DNM1: variants seen among roughly 807,000 people sequenced by gnomAD.
The protein encoded by DNM1 is dynamin 1.
Under a neutral mutation model 104.6 loss-of-function variants are expected in DNM1, and 29 were observed. That is an observed-to-expected ratio of 0.28 (90% CI 0.21 to 0.38). The LOEUF (loss-of-function observed/expected upper bound fraction) is 0.38, where lower values mean the gene tolerates loss of function less well. DNM1 is among the 10% of genes least tolerant of loss of function. DNM1 has a pLI of 1.00. For synonymous variants in DNM1, 445 were observed against 475.8 expected, an observed-to-expected ratio of 0.94 and a Z score of 0.84; for missense variants, 640 against 1,189.4, an observed-to-expected ratio of 0.54 and a Z score of 6.79.
chr9:128,225,978 TCTC>T, intron 10 of DNM1: 3 of 1,575,664 alleles, frequency 1.9e-6, no homozygotes, highest in Non-Finnish European at 2.6e-6. Flanking sequence ...TTCACCCACT[TCTC>T]CTCCCCACCC....
In DNM1 at chr9:128,218,386, C is replaced by T. The variant is rs370124247; in HGVS notation, c.235+82C>T. ...CCCAAGCTGAGGGCCAGCCTGGCCA[C>T]GAACTTGCTTGCTGTGTGACTGTGG... On this transcript the variant is annotated intron_variant, in intron 2 of 21. Transcript: ENST00000372923. This position sits in a 1 kb window ranked among gnomAD's most constrained non-coding sequence, Gnocchi z 4.8. The T allele has an allele frequency of 1.3e-6, 2 of 1,533,042 alleles. No individual in the cohort carries two copies. Among genetic ancestry groups the T allele is most frequent in the East Asian group, 2.3e-5 (1 of 44,388 alleles). The allele number at this position is 1,533,042 out of a possible 1,614,324, so 95.0% of individuals were successfully genotyped here.
chr9:128,247,237 A>G lies in DNM1; in HGVS notation c.1782-138A>G. The stretch of plus-strand genomic sequence containing the variant: ...CAGTGAGGAAACTGAGGCTGAGAGG[A>G]AGGGACTTGCACAGGGTCACACAGC... On this transcript the variant is annotated intron_variant, in intron 16 of 21. Transcript: ENST00000372923. The surrounding 1 kb of genome is among the most constrained non-coding windows in gnomAD (Gnocchi z 5.1). The G allele has an allele frequency of 1.9e-6, 1 of 519,110 alleles. No homozygotes were observed. The highest frequency in any genetic ancestry group is 3.4e-6 in the Non-Finnish European group (1 of 291,986). The allele number at this position is 519,110 out of a possible 1,614,324, so 32.2% of individuals were successfully genotyped here.
chr9:128,234,647 T>C (rs1835900850), intron 11 of DNM1, among the ~76,000 whole-genome samples: 1 of 152,170 alleles, frequency 6.6e-6, no homozygotes, highest in Admixed American at 6.5e-5. Context: ...GTGCTGGGAT[T>C]ACAGGCGTGA....
At position 128,222,158 on chromosome 9, in the gene DNM1, A is replaced by G. The variant is rs557093654; in HGVS notation, c.850-39A>G. 1.3e-5 allele frequency: 21 copies of G among 1,581,260 alleles called. No homozygotes were observed. In the East Asian group the frequency reaches 4.3e-4, roughly 32 times the overall value. ...ATCCAAGTCCCTTCCTGGCCCTGTG[A>G]CCATCTGTCCTCAACCCTTTCCTCA... On this transcript the variant is annotated intron_variant, in intron 6 of 21. Transcript: ENST00000372923. The surrounding 1 kb of genome is among the most constrained non-coding windows in gnomAD (Gnocchi z 7.8).
At chr9:128,226,204 T>G (rs1396612626) in intron 10 of DNM1, 1 of 1,611,036 alleles carries the variant, frequency 6.2e-7, no homozygotes, top group Non-Finnish European at 8.5e-7. Context: ...GGGCTGGGCC[T>G]GGCCGTCCAT....
chr9:128,248,873 G>A lies in DNM1; in HGVS notation c.2076+120G>A, dbSNP rs945526539. ...GGACCAGGTCCAGGGAGGGAGGCACGGTCCAGACCAGAGCTGTCCAATAGA... is the reference window on the plus strand; with the variant it reads ...GGACCAGGTCCAGGGAGGGAGGCACAGTCCAGACCAGAGCTGTCCAATAGA... On this transcript the variant is annotated intron_variant, in intron 19 of 21. Coordinates refer to ENST00000372923, the MANE Select transcript of DNM1 (RefSeq NM_004408.4). This position sits in a 1 kb window ranked among gnomAD's most constrained non-coding sequence, Gnocchi z 5.6. The A allele has an allele frequency of 1.4e-4, 160 of 1,113,332 alleles. No individual in the cohort carries two copies. Among genetic ancestry groups the A allele is most frequent in the Non-Finnish European group, 2.0e-4 (153 of 758,712 alleles). The allele number at this position is 1,113,332 out of a possible 1,614,324, so 69.0% of individuals were successfully genotyped here.
In DNM1 at chr9:128,203,514, G is replaced by A. The variant is rs763288862; in HGVS notation, c.44G>A (p.Arg15Gln). Residue 15 changes from arginine (R) to glutamine (Q), a missense_variant, in exon 1 of 22, where the codon CGG becomes CAG. By Grantham distance (43) the Arg-to-Gln change is conservative. Around this residue, in one of 7 missense-constraint regions of DNM1, gnomAD observed 172 missense variants for 335.3 expected, o/e 0.51. Transcript: ENST00000372923. The surrounding 1 kb of genome is among the most constrained non-coding windows in gnomAD (Gnocchi z 5.3). ...GAAGATCTCATCCCGCTGGTCAACC[G>A]GCTGCAAGACGCCTTCTCTGCCATC... ...GMEDLIPLVN[R>Q]LQDAFSAIGQ... 3.4e-5 allele frequency: 52 copies of A among 1,540,062 alleles called. No individual in the cohort carries two copies. The Admixed American group carries it at 9.3e-4, about 28-fold the overall frequency.
intron 6 of DNM1, among the ~76,000 whole-genome samples, chr9:128,221,984 T>C (rs967476602): frequency 6.6e-6 from 1 of 152,220 alleles, no homozygotes; most frequent in African/African-American, 2.4e-5. Context: ...GATTTCTGGC[T>C]TTATTGAAAA....
chr9:128,253,856 C>CACCTTGGCTCACGCCACAA lies in DNM1; in HGVS notation c.2535-798_2535-797insACCTTGGCTCACGCCACAA. Reference sequence around the variant, plus strand: ...CAGCTGAAGCACCGTAGCCAGCCAGCGGGCTCACGCACCTTGGCCTGTTGC... The same window carrying CACCTTGGCTCACGCCACAA: ...CAGCTGAAGCACCGTAGCCAGCCAGCACCTTGGCTCACGCCACAAGGGCTCACGCACCTTGGCCTGTTGC... On this transcript the variant is annotated intron_variant, in intron 21 of 21. Transcript: ENST00000372923. This position sits in a 1 kb window ranked among gnomAD's most constrained non-coding sequence, Gnocchi z 5.9. 8.6e-7 allele frequency: 1 copy of CACCTTGGCTCACGCCACAA among 1,165,944 alleles called. No homozygotes were observed. The highest frequency in any genetic ancestry group is 1.1e-6 in the Non-Finnish European group (1 of 929,770). 72.2% of individuals were successfully genotyped at this position (1,165,944 alleles called of 1,614,324 possible).
chr9:128,251,039 C>T (rs1829485623), intron 21 of DNM1, 99 bp downstream of exon 21: 2 of 827,102 alleles, frequency 2.4e-6, no homozygotes, highest in East Asian at 2.8e-5. Flanking sequence ...GCCGCCAGAA[C>T]CGGCCGTTTC....
At chr9:128,234,241 A>ACT in intron 11 of DNM1, 134 bp downstream of exon 11, 5 of 697,154 alleles carry the variant, frequency 7.2e-6, no homozygotes, top group Non-Finnish European at 1.2e-5. Flanking sequence ...TCTCATACTG[A>ACT]CTCTCTGCTT....
At chr9:128,219,949 G>A (rs1304192526) in intron 4 of DNM1, 39 bp from the exon 5 acceptor site, 7 of 1,485,502 alleles carry the variant, frequency 4.7e-6, no homozygotes, top group Non-Finnish European at 6.4e-6. Flanking sequence ...GTGTGAGAGC[G>A]GGTGCAGCTG....
In DNM1 at chr9:128,253,328, G is replaced by A. The variant is rs1829647391; in HGVS notation, c.2535-1326G>A. 1 of 613,632 alleles carries A rather than the reference G, an allele frequency of 1.6e-6. No homozygotes were observed. Among genetic ancestry groups the A allele is most frequent in the African/African-American group, 1.8e-5 (1 of 54,236 alleles). The allele number at this position is 613,632 out of a possible 1,614,324, so 38.0% of individuals were successfully genotyped here. A position where few individuals can be genotyped will look rare whatever the true frequency, so the allele number is the denominator to read the frequency against. On this transcript the variant is annotated intron_variant, in intron 21 of 21. Coordinates refer to ENST00000372923, the MANE Select transcript of DNM1 (RefSeq NM_004408.4). This position sits in a 1 kb window ranked among gnomAD's most constrained non-coding sequence, Gnocchi z 5.9. ...TCACCTCCCTTCCCTGCGAGCCTCGGGACTCAGTGCCACTGCCCAAGGCCT... is the reference window on the plus strand; with the variant it reads ...TCACCTCCCTTCCCTGCGAGCCTCGAGACTCAGTGCCACTGCCCAAGGCCT...
chr9:128,239,679 A>C, intron 12 of DNM1, 49 bp from the exon 13 acceptor site: 1 of 1,582,646 alleles, frequency 6.3e-7, no homozygotes, highest in Non-Finnish European at 8.7e-7. Context: ...TGGGCAGTAG[A>C]GCTGGGCCTC....
chr9:128,244,814 G>C (rs375288713), intron 15 of DNM1: 104 of 533,734 alleles, frequency 1.9e-4, no homozygotes, highest in Non-Finnish European at 3.7e-4. Context: ...GGTAGACGGA[G>C]TGGAGGTGTC....
At position 128,253,166 on chromosome 9, in the gene DNM1, T is replaced by C; in HGVS notation, c.2535-1488T>C. The C allele has an allele frequency of 1.3e-6, 2 of 1,598,748 alleles. No homozygotes were observed. Among genetic ancestry groups the C allele is most frequent in the African/African-American group, 1.3e-5 (1 of 74,948 alleles). ...GGTACATGCCTCACCGCCTGCTGCA[T>C]GAACGGTGTGTCTGCCCCGCTGCAC... On this transcript the variant is annotated intron_variant, in intron 21 of 21. Transcript: ENST00000372923. This position sits in a 1 kb window ranked among gnomAD's most constrained non-coding sequence, Gnocchi z 5.9.
intron 21 of DNM1, chr9:128,251,297 T>G: frequency 1.4e-5 from 6 of 422,500 alleles, no homozygotes; most frequent in East Asian, 7.0e-5. Flanking sequence ...CCATCCTCCA[T>G]TCCGTCCAAT....
chr9:128,243,970 G>C lies in DNM1; in HGVS notation c.1671+1625G>C, dbSNP rs1189638413. ...GTGTGTGTGTGTGTGTGTGTGTGTG[G>C]CTTGTGGGTCTGGTGTGTGGGTGTT... On this transcript the variant is annotated intron_variant, in intron 15 of 21. Transcript: ENST00000372923. The surrounding 1 kb of genome is among the most constrained non-coding windows in gnomAD (Gnocchi z 4.0). Among the ~76,000 whole-genome samples the C allele has an allele frequency of 7.0e-6, 1 of 143,860 alleles. No homozygotes were observed. The highest frequency in any genetic ancestry group is 1.5e-5 in the Non-Finnish European group (1 of 67,312). The allele number at this position is 143,860 out of a possible 152,430, so 94.4% of individuals were successfully genotyped here. A position where few individuals can be genotyped will look rare whatever the true frequency, so the allele number is the denominator to read the frequency against.
In DNM1 at chr9:128,253,449, T is replaced by C; in HGVS notation, c.2535-1205T>C. The C allele has an allele frequency of 4.5e-6, 2 of 445,892 alleles. No homozygotes were observed. Among genetic ancestry groups the C allele is most frequent in the Non-Finnish European group, 8.2e-6 (2 of 244,970 alleles). 27.6% of individuals were successfully genotyped at this position (445,892 alleles called of 1,614,324 possible). Reference sequence around the variant, plus strand: ...GCCGTCAGAGAGGGCAGAGAGCTCGTGGTTTATGGTGTAAAGGCTGGGAGC... The same window carrying C: ...GCCGTCAGAGAGGGCAGAGAGCTCGCGGTTTATGGTGTAAAGGCTGGGAGC... On this transcript the variant is annotated intron_variant, in intron 21 of 21. Coordinates refer to ENST00000372923, the MANE Select transcript of DNM1 (RefSeq NM_004408.4). This position sits in a 1 kb window ranked among gnomAD's most constrained non-coding sequence, Gnocchi z 5.9.
Sources: gnomAD v4.1 joint callset for allele counts (sites outside exome capture counted in the v4.1 genomes callset) on GRCh38, gnomAD v4.1.1 for gene constraint, gnomAD v4.1.1 regional missense constraint, Gnocchi (gnomAD v3.1) non-coding constraint, MANE v1.5 for transcripts, NCBI Gene and HGNC (gene_info 2026-07-23, HGNC 2026-07-21) for gene names.